Variants in PCDHGB5 observed in about 807,000 individuals in gnomAD.
The protein encoded by PCDHGB5 is protocadherin gamma subfamily B, 5.
Under a neutral mutation model 62.9 loss-of-function variants are expected in PCDHGB5, and 48 were observed. That is an observed-to-expected ratio of 0.76 (90% CI 0.61 to 0.97). The LOEUF is 0.97. Ranked by LOEUF, PCDHGB5 falls within the 50% of genes least tolerant of loss-of-function variation. The pLI is 0.00. For missense variants in PCDHGB5, 1,118 were observed against 1,198.6 expected (o/e 0.93, Z 0.99); for synonymous variants, 474 against 511.2 (o/e 0.93, Z 0.98).
chr5:141,410,544 G>T, intron 1 of PCDHGB5: 1 of 1,613,640 alleles, frequency 6.2e-7, no homozygotes, highest in Non-Finnish European at 8.5e-7. Flanking sequence ...GACATGGTTT[G>T]CAGTGTTTCT....
At chr5:141,452,554 G>A (rs2098744143) in intron 1 of PCDHGB5, among the ~76,000 whole-genome samples, 1 of 152,140 alleles carries the variant, frequency 6.6e-6, no homozygotes, top group Admixed American at 6.5e-5. Context: ...TCCAGTTCTG[G>A]TTCTTCCTAG....
chr5:141,438,733 C>T (rs2098057443), intron 1 of PCDHGB5, among the ~76,000 whole-genome samples: 1 of 149,042 alleles, frequency 6.7e-6, no homozygotes, highest in Non-Finnish European at 1.5e-5. Context: ...GTGATCTCAG[C>T]TCACTGCAAC....
chr5:141,411,924 C>G lies in PCDHGB5; in HGVS notation c.2397+11400C>G, dbSNP rs116336964. ...TTGCCTTTGCACTCAGTCTCTGTCTCTGATTCTCTGATAGAAGATTTTTGA... is the reference window on the plus strand; with the variant it reads ...TTGCCTTTGCACTCAGTCTCTGTCTGTGATTCTCTGATAGAAGATTTTTGA... On this transcript the variant is annotated intron_variant, in intron 1 of 3. Coordinates refer to ENST00000617380, the MANE Select transcript of PCDHGB5 (RefSeq NM_018925.3). The G allele has an allele frequency of 5.8e-4, 88 of 152,306 alleles. 1 individual carries two copies. Among genetic ancestry groups the G allele is most frequent in the African/African-American group, 2.0e-3 (83 of 41,556 alleles). 9.4% of individuals were successfully genotyped at this position (152,306 alleles called of 1,614,324 possible). A position where few individuals can be genotyped will look rare whatever the true frequency, so the allele number is the denominator to read the frequency against.
At chr5:141,420,001 C>T in intron 1 of PCDHGB5, 1 of 1,614,084 alleles carries the variant, frequency 6.2e-7, no homozygotes, top group Non-Finnish European at 8.5e-7. Flanking sequence ...TTGCTCTACG[C>T]CTGCGACAGT....
intron 1 of PCDHGB5, chr5:141,409,027 TGA>T: frequency 1.9e-6 from 3 of 1,613,978 alleles, no homozygotes; most frequent in Non-Finnish European, 2.5e-6. Context: ...GGGTCAATGC[TGA>T]GATAAACTAC....
chr5:141,422,188 C>T, intron 1 of PCDHGB5: 1 of 1,561,742 alleles, frequency 6.4e-7, no homozygotes. Context: ...GATGGAAATT[C>T]AAGGCCAAGA....
rs770596172 is a variant in PCDHGB5, at chr5:141,487,664, G to A, written c.2398-7143G>A. ...AATGCTTGAGGGTTATTCTGATCCA[G>A]GCATATGGCTAGGCCATGTCCTAGA... On this transcript the variant is annotated intron_variant, in intron 1 of 3. Transcript: ENST00000617380. The surrounding 1 kb of genome is among the most constrained non-coding windows in gnomAD (Gnocchi z 5.0). 1.9e-5 allele frequency: 31 copies of A among 1,613,048 alleles called. No individual in the cohort carries two copies. The South Asian group carries it at 3.4e-4, about 18-fold the overall frequency.
At position 141,477,493 on chromosome 5, in the gene PCDHGB5, A is replaced by G. The variant is rs2154575835; in HGVS notation, c.2398-17314A>G. ...ATGACAACCCTCCACAATCTTCTCA[A>G]TCTTCCTACGACGTTTACATTGAAG... On this transcript the variant is annotated intron_variant, in intron 1 of 3. Transcript: ENST00000617380. This position sits in a 1 kb window ranked among gnomAD's most constrained non-coding sequence, Gnocchi z 4.9. 6.2e-7 allele frequency: 1 copy of G among 1,613,976 alleles called. No individual in the cohort carries two copies. The highest frequency in any genetic ancestry group is 1.6e-4 in the Middle Eastern group (1 of 6,062).
intron 1 of PCDHGB5, chr5:141,409,000 C>T (rs779251035): frequency 6.2e-7 from 1 of 1,613,950 alleles, no homozygotes; most frequent in South Asian, 1.1e-5. Context: ...AAGTGACAGC[C>T]ACTGACCAGG....
intron 1 of PCDHGB5, chr5:141,413,818 G>T: frequency 6.2e-7 from 1 of 1,613,138 alleles, no homozygotes; most frequent in Non-Finnish European, 8.5e-7. Context: ...TCACCACCTG[G>T]TCCTCACCGC....
rs1442570663 is a variant in PCDHGB5, at chr5:141,438,613, TATATATATATATATATATATATACACAC to T, written c.2397+38091_2397+38118del. On this transcript the variant is annotated intron_variant, in intron 1 of 3. Transcript: ENST00000617380. Reference sequence around the variant, plus strand: ...ATACATATATATATATATATATATATATATATATATATATATATATATACACACACACACACACATATATGTATATATA... The same window carrying T: ...ATACATATATATATATATATATATATACACACACACATATATGTATATATA... Among the ~76,000 whole-genome samples, 243 of 36,492 alleles carry T rather than the reference TATATATATATATATATATATATACACAC, an allele frequency of 6.7e-3. 7 individuals are homozygous for T. The highest frequency in any genetic ancestry group is 0.033 in the East Asian group (37 of 1,124). The allele number at this position is 36,492 out of a possible 152,430, so 23.9% of individuals were successfully genotyped here.
chr5:141,495,465 G>T (rs563411010), intron 2 of PCDHGB5, among the ~76,000 whole-genome samples: 11 of 152,298 alleles, frequency 7.2e-5, no homozygotes, highest in African/African-American at 2.4e-4. Flanking sequence ...TGTCTGTGGG[G>T]TCTCCGTGTC....
At chr5:141,460,616 T>C (rs905095529) in intron 1 of PCDHGB5, among the ~76,000 whole-genome samples, 8 of 152,114 alleles carry the variant, frequency 5.3e-5, no homozygotes, top group Non-Finnish European at 7.4e-5. Context: ...GATGGATAGA[T>C]AGACAGATAC....
chr5:141,491,332 C>T lies in PCDHGB5; in HGVS notation c.2398-3475C>T, dbSNP rs1013118722. 2 of 1,614,072 alleles carry T rather than the reference C, an allele frequency of 1.2e-6. No individual in the cohort carries two copies. The highest frequency in any genetic ancestry group is 2.7e-5 in the African/African-American group (2 of 74,944). On this transcript the variant is annotated intron_variant, in intron 1 of 3. Coordinates refer to ENST00000617380, the MANE Select transcript of PCDHGB5 (RefSeq NM_018925.3). This position sits in a 1 kb window ranked among gnomAD's most constrained non-coding sequence, Gnocchi z 6.9. ...CCTTACCCTTTACCTCATTGTGGCT[C>T]TAGCGACCGTCAGTCTCTTATCCCT...
At chr5:141,403,743 C>A (rs1165597254) in intron 1 of PCDHGB5, 1 of 1,613,856 alleles carries the variant, frequency 6.2e-7, no homozygotes, top group Non-Finnish European at 8.5e-7. Context: ...CTGCTTACTG[C>A]AACAGCCAGC....
intron 1 of PCDHGB5, chr5:141,421,492 G>C: frequency 1.7e-5 from 28 of 1,614,106 alleles, no homozygotes; most frequent in Non-Finnish European, 2.3e-5. Flanking sequence ...GATCACGGCA[G>C]GCAGGATAGA....
At position 141,477,498 on chromosome 5, in the gene PCDHGB5, C is replaced by T. The variant is rs754212608; in HGVS notation, c.2398-17309C>T. ...AACCCTCCACAATCTTCTCAATCTT[C>T]CTACGACGTTTACATTGAAGAAAAC... On this transcript the variant is annotated intron_variant, in intron 1 of 3. Coordinates refer to ENST00000617380, the MANE Select transcript of PCDHGB5 (RefSeq NM_018925.3). The surrounding 1 kb of genome is among the most constrained non-coding windows in gnomAD (Gnocchi z 4.9). 3.7e-6 allele frequency: 6 copies of T among 1,614,038 alleles called. No individual in the cohort carries two copies. The highest frequency in any genetic ancestry group is 5.1e-6 in the Non-Finnish European group (6 of 1,180,038).
intron 3 of PCDHGB5, among the ~76,000 whole-genome samples, chr5:141,507,521 C>G (rs2099861196): frequency 6.6e-6 from 1 of 151,972 alleles, no homozygotes; most frequent in African/African-American, 2.4e-5. Flanking sequence ...GGCTATGATT[C>G]CAGAGAGGCC....
At chr5:141,478,050 CG>C in intron 1 of PCDHGB5, 1 of 1,614,184 alleles carries the variant, frequency 6.2e-7, no homozygotes, top group Non-Finnish European at 8.5e-7. Context: ...CAGACTCTCA[CG>C]GTCTTGATCA....
Sources: gnomAD v4.1 joint callset for allele counts (sites outside exome capture counted in the v4.1 genomes callset) on GRCh38, gnomAD v4.1.1 for gene constraint, Gnocchi (gnomAD v3.1) non-coding constraint, MANE v1.5 for transcripts, NCBI Gene and HGNC (gene_info 2026-07-23, HGNC 2026-07-21) for gene names.